VTI1A: variants seen among roughly 807,000 people sequenced by gnomAD.
The protein encoded by VTI1A is vesicle transport through interaction with t-SNAREs homolog 1A.
In VTI1A, 22 loss-of-function variants were observed where a neutral mutation model predicts 34.9. The ratio of observed to expected loss-of-function variants is 0.63; its 90% CI spans 0.45 to 0.90. VTI1A has a LOEUF of 0.90. Ranked by LOEUF, VTI1A falls within the 40% of genes least tolerant of loss-of-function variation. The probability of loss-of-function intolerance (pLI) is 0.00; values close to 1 mark genes in which losing one functional copy is unlikely to be tolerated. For synonymous variants in VTI1A, 87 were observed against 97.3 expected (o/e 0.89, Z 0.62); for missense variants, 268 against 275.6 (o/e 0.97, Z 0.20).
intron 7 of VTI1A, among the ~76,000 whole-genome samples, chr10:112,697,866 A>ATGTGTGTGTGTGTGTGTGTG (rs67142519): frequency 7.4e-6 from 1 of 134,824 alleles, no homozygotes; most frequent in Non-Finnish European, 1.7e-5. Flanking sequence ...TAGCATTTAC[A>ATGTGTGTGTGTGTGTGTGTG]TGTGTGTGTG....
chr10:112,688,521 CTTTTTTTT>C (rs59853999), intron 7 of VTI1A, among the ~76,000 whole-genome samples: 1 of 116,448 alleles, frequency 8.6e-6, no homozygotes, highest in Non-Finnish European at 1.7e-5. Flanking sequence ...CAATTTTTTT[CTTTTTTTT>C]TTTTTTTTTG....
At chr10:112,657,009 C>A (rs1847256126) in intron 5 of VTI1A, among the ~76,000 whole-genome samples, 1 of 152,110 alleles carries the variant, frequency 6.6e-6, no homozygotes, top group Non-Finnish European at 1.5e-5. Flanking sequence ...CTGCTCCTGC[C>A]CTGTAAGCCA....
chr10:112,620,145 T>C, intron 5 of VTI1A, among the ~76,000 whole-genome samples: 1 of 152,242 alleles, frequency 6.6e-6, no homozygotes, highest in Middle Eastern at 3.2e-3. Flanking sequence ...TTCCTTTCAC[T>C]TAATTATTAT....
intron 7 of VTI1A, among the ~76,000 whole-genome samples, chr10:112,749,082 T>A (rs560212211): frequency 2.0e-5 from 3 of 152,362 alleles, no homozygotes; most frequent in Admixed American, 2.0e-4. Context: ...AGACTGATTT[T>A]CTAACAGAAC....
chr10:112,507,183 C>T (rs1038801062), intron 3 of VTI1A, among the ~76,000 whole-genome samples: 5 of 152,258 alleles, frequency 3.3e-5, no homozygotes, highest in Admixed American at 6.5e-5. Flanking sequence ...TGTCTTTAGG[C>T]TGGAGTTAGG....
intron 5 of VTI1A, among the ~76,000 whole-genome samples, chr10:112,591,792 G>A (rs1589946464): frequency 6.6e-6 from 1 of 152,172 alleles, no homozygotes; most frequent in African/African-American, 2.4e-5. Flanking sequence ...CCTGTAATCT[G>A]TGAATACTTT....
At chr10:112,785,034 G>A (rs1385193030) in intron 7 of VTI1A, among the ~76,000 whole-genome samples, 2 of 152,168 alleles carry the variant, frequency 1.3e-5, no homozygotes, top group Non-Finnish European at 2.9e-5. Context: ...CTTGGCCCCC[G>A]TTGGCTGTGG....
chr10:112,573,497 C>G (rs930748309), intron 5 of VTI1A, among the ~76,000 whole-genome samples: 2 of 152,130 alleles, frequency 1.3e-5, no homozygotes, highest in African/African-American at 4.8e-5. Context: ...TGAAAATATA[C>G]AATCCCTTAA....
At chr10:112,669,537 TCTAC>T (rs1847771930) in intron 7 of VTI1A, among the ~76,000 whole-genome samples, 1 of 152,196 alleles carries the variant, frequency 6.6e-6, no homozygotes, top group Non-Finnish European at 1.5e-5. Context: ...TATGTGTAAC[TCTAC>T]CTTGATTGAT....
rs150378263 is a variant in VTI1A, at chr10:112,492,097, T to G, written c.264+27440T>G. On this transcript the variant is annotated intron_variant, in intron 3 of 7. Transcript: ENST00000393077. ...TTGGGCACTGCCTCCCTAGACATAA[T>G]GTTCTTAAAAGGCAGCTGTGTCTTA... Among the ~76,000 whole-genome samples, 313 of 152,342 alleles carry G rather than the reference T, an allele frequency of 2.1e-3. 2 individuals carry two copies. The highest frequency in any genetic ancestry group is 7.3e-3 in the African/African-American group (304 of 41,582).
At chr10:112,764,820 G>C (rs1237453900) in intron 7 of VTI1A, among the ~76,000 whole-genome samples, 1 of 152,130 alleles carries the variant, frequency 6.6e-6, no homozygotes, top group Non-Finnish European at 1.5e-5. Flanking sequence ...ATCTGTATTA[G>C]TGAATATTTG....
chr10:112,482,720 G>A (rs1160308199), intron 3 of VTI1A, among the ~76,000 whole-genome samples: 1 of 152,126 alleles, frequency 6.6e-6, no homozygotes, highest in Non-Finnish European at 1.5e-5. Flanking sequence ...TTTTATAATA[G>A]ATTATGAGCA....
intron 5 of VTI1A, among the ~76,000 whole-genome samples, chr10:112,551,475 T>C (rs574155841): frequency 4.1e-4 from 63 of 152,234 alleles, no homozygotes; most frequent in Middle Eastern, 6.8e-3. Context: ...CTTACATTAT[T>C]ATTATTGGCA....
At chr10:112,764,102 T>C (rs1373088914) in intron 7 of VTI1A, among the ~76,000 whole-genome samples, 2 of 152,222 alleles carry the variant, frequency 1.3e-5, no homozygotes, top group Non-Finnish European at 2.9e-5. Flanking sequence ...AACAGACTGA[T>C]GCCCGACCTA....
At chr10:112,527,462 G>T in intron 4 of VTI1A, 1 of 212,194 alleles carries the variant, frequency 4.7e-6, no homozygotes, top group Non-Finnish European at 9.3e-6. Flanking sequence ...CAAAGCCAAG[G>T]TCTTCACCTC....
intron 7 of VTI1A, among the ~76,000 whole-genome samples, chr10:112,782,419 A>G (rs1435044903): frequency 1.3e-5 from 2 of 152,278 alleles, no homozygotes; most frequent in African/African-American, 2.4e-5. Context: ...GTGGAAGCGC[A>G]TGCTCTTTCT....
chr10:112,829,745 C>T, the VTI1A span, among the ~76,000 whole-genome samples: 2 of 152,142 alleles, frequency 1.3e-5, no homozygotes, highest in Non-Finnish European at 2.9e-5. Context: ...CAGAGAAAGA[C>T]TCCATTTCAA....
downstream of VTI1A, among the ~76,000 whole-genome samples, chr10:112,820,175 C>T (rs988602168): frequency 6.6e-6 from 1 of 152,232 alleles, no homozygotes; most frequent in African/African-American, 2.4e-5. Context: ...GCCTCCATTT[C>T]AATCCAGGAT....
chr10:112,746,467 C>T (rs993803943), intron 7 of VTI1A, among the ~76,000 whole-genome samples: 3 of 152,162 alleles, frequency 2.0e-5, no homozygotes, highest in Admixed American at 6.5e-5. Context: ...TGCAGCCCAC[C>T]GCTGTACACA....
Sources: allele counts gnomAD v4.1 joint callset (sites outside exome capture counted in the v4.1 genomes callset), GRCh38; gene constraint gnomAD v4.1.1; transcripts MANE v1.5; gene names NCBI Gene and HGNC (gene_info 2026-07-23, HGNC 2026-07-21).